Variants in ASIC2 observed in about 807,000 individuals in gnomAD.
The protein encoded by ASIC2 is acid sensing ion channel subunit 2.
ASIC2 carries 25 observed loss-of-function variants against 57.3 expected under a neutral mutation model. The observed-to-expected ratio is 0.44, with a 90% confidence interval of 0.32 to 0.61. The LOEUF (loss-of-function observed/expected upper bound fraction) is 0.61. ASIC2 is among the 20% of genes least tolerant of loss of function. The pLI is 0.06. For missense variants in ASIC2, 641 were observed against 738.1 expected (o/e 0.87, Z 1.52); for synonymous variants, 319 against 307.5 (o/e 1.04, Z -0.39).
At chr17:34,121,019 C>T (rs1004010118) in intron 1 of ASIC2, among the ~76,000 whole-genome samples, 1 of 151,970 alleles carries the variant, frequency 6.6e-6, no homozygotes, top group Non-Finnish European at 1.5e-5. Context: ...GGATTACAGG[C>T]GTGAACCACC....
intron 1 of ASIC2, among the ~76,000 whole-genome samples, chr17:33,699,048 T>C (rs111852907): frequency 6.6e-5 from 10 of 152,320 alleles, no homozygotes; most frequent in African/African-American, 2.2e-4. Context: ...TAAAGGGGTC[T>C]GTTCAGAAAT....
intron 1 of ASIC2, among the ~76,000 whole-genome samples, chr17:33,923,899 T>C (rs1322931259): frequency 1.3e-5 from 2 of 152,046 alleles, no homozygotes; most frequent in Non-Finnish European, 1.5e-5. Flanking sequence ...ATTCCCTACC[T>C]CATGCCCACC....
intron 1 of ASIC2, among the ~76,000 whole-genome samples, chr17:33,973,273 T>C (rs140016681): frequency 0.013 from 2,017 of 152,218 alleles, 24 homozygotes; most frequent in Non-Finnish European, 0.02. Context: ...GAGCCAAGGA[T>C]TTAGGATCTA....
intron 1 of ASIC2, among the ~76,000 whole-genome samples, chr17:33,997,793 A>G (rs1408705164): frequency 1.3e-5 from 2 of 148,580 alleles, no homozygotes; most frequent in African/African-American, 5.0e-5. Context: ...TTTTTTGAGG[A>G]TTTTTGCTTT....
At chr17:33,202,555 G>C (rs901485687) in intron 1 of ASIC2, among the ~76,000 whole-genome samples, 7 of 152,142 alleles carry the variant, frequency 4.6e-5, no homozygotes, top group African/African-American at 1.7e-4. Context: ...GGTGCAGCAG[G>C]GCTCTTGCTG....
At chr17:33,439,345 C>A (rs1186138373) in intron 1 of ASIC2, among the ~76,000 whole-genome samples, 1 of 152,042 alleles carries the variant, frequency 6.6e-6, no homozygotes, top group Non-Finnish European at 1.5e-5. Flanking sequence ...GGAATATTTT[C>A]ATTTTGGACG....
chr17:33,685,341 C>T (rs970888575), intron 1 of ASIC2, among the ~76,000 whole-genome samples: 3 of 152,198 alleles, frequency 2.0e-5, no homozygotes, highest in African/African-American at 7.2e-5. Context: ...ACCTCGCGCT[C>T]CTCCATCCAT....
chr17:33,753,888 A>G (rs1329130838), intron 1 of ASIC2, among the ~76,000 whole-genome samples: 1 of 152,216 alleles, frequency 6.6e-6, no homozygotes, highest in Non-Finnish European at 1.5e-5. Flanking sequence ...AACAGTAACA[A>G]TGTATCAATA....
At chr17:34,038,806 T>G (rs1907989219) in intron 1 of ASIC2, 1 of 1,612,078 alleles carries the variant, frequency 6.2e-7, no homozygotes, top group Admixed American at 1.7e-5. Context: ...GCTCATTGGT[T>G]GCAGGAGGGG....
At chr17:33,688,766 A>C (rs1416930399) in intron 1 of ASIC2, 3 of 152,200 alleles carry the variant, frequency 2.0e-5, no homozygotes, top group Non-Finnish European at 4.4e-5. Flanking sequence ...TCTCCCAAAA[A>C]TTGCCATGGG....
chr17:33,681,997 T>C (rs1399840590), intron 1 of ASIC2, among the ~76,000 whole-genome samples: 1 of 151,936 alleles, frequency 6.6e-6, no homozygotes, highest in East Asian at 1.9e-4. Flanking sequence ...CAAGGTGACC[T>C]TTGTAGAACT....
At chr17:33,147,064 C>T (rs1383920873) in intron 1 of ASIC2, among the ~76,000 whole-genome samples, 1 of 152,208 alleles carries the variant, frequency 6.6e-6, no homozygotes. Flanking sequence ...TTTTATTCCA[C>T]ATCTGAAGTA....
At chr17:34,095,608 TA>T (rs1910492051) in intron 1 of ASIC2, among the ~76,000 whole-genome samples, 1 of 10,392 alleles carries the variant, frequency 9.6e-5, no homozygotes, top group Non-Finnish European at 2.6e-4. Context: ...AGGCAAATTT[TA>T]TATATATATA....
intron 1 of ASIC2, among the ~76,000 whole-genome samples, chr17:34,112,791 G>A (rs1457835253): frequency 6.6e-6 from 1 of 152,148 alleles, no homozygotes; most frequent in African/African-American, 2.4e-5. Context: ...GTGTCTGTGG[G>A]ATGTTGTGGG....
At chr17:33,910,765 A>G (rs1392671855) in intron 1 of ASIC2, among the ~76,000 whole-genome samples, 1 of 152,200 alleles carries the variant, frequency 6.6e-6, no homozygotes, top group Non-Finnish European at 1.5e-5. Context: ...AGGAAGTTAC[A>G]GTGTCCTCTG....
chr17:33,777,879 G>A (rs1205696380), intron 1 of ASIC2, among the ~76,000 whole-genome samples: 1 of 152,126 alleles, frequency 6.6e-6, no homozygotes, highest in Non-Finnish European at 1.5e-5. Context: ...CCTCTTGCAG[G>A]AAGCCTTCAG....
At chr17:33,426,427 G>A (rs55849024) in intron 1 of ASIC2, among the ~76,000 whole-genome samples, 6,868 of 152,258 alleles carry the variant, frequency 0.045, 500 homozygotes, top group African/African-American at 0.16. Context: ...CCCTTTCTGG[G>A]GCTGAGGCAA....
intron 4 of ASIC2, 77 bp from the exon 5 acceptor site, chr17:33,026,059 T>C (rs373363676): frequency 1.1e-5 from 17 of 1,528,538 alleles, no homozygotes; most frequent in African/African-American, 6.8e-5. Flanking sequence ...GCTTTGGGCT[T>C]AGGGAAAGGG....
chr17:33,108,911 A>AAATCCAT (rs55657481), intron 2 of ASIC2, among the ~76,000 whole-genome samples: 28,379 of 152,068 alleles, frequency 0.19, 2,726 homozygotes, highest in Non-Finnish European at 0.21. Flanking sequence ...GCAAAAGCCA[A>AAATCCAT]AATCCATGAA....
Sources: gnomAD v4.1 joint callset for allele counts (sites outside exome capture counted in the v4.1 genomes callset) on GRCh38, gnomAD v4.1.1 for gene constraint, MANE v1.5 for transcripts, NCBI Gene and HGNC (gene_info 2026-07-23, HGNC 2026-07-21) for gene names.